The following CLASP1 variants were observed in gnomAD, a reference collection of about 807,000 sequenced individuals.
CLASP1 encodes the protein cytoplasmic linker associated protein 1.
Under a neutral mutation model 192.3 loss-of-function variants are expected in CLASP1, and 38 were observed. The ratio of observed to expected loss-of-function variants is 0.20; its 90% CI spans 0.15 to 0.26. The LOEUF (loss-of-function observed/expected upper bound fraction) is 0.26, where lower values mean the gene tolerates loss of function less well. CLASP1 is among the 10% of genes least tolerant of loss of function. The pLI is 1.00. For synonymous variants in CLASP1, 691 were observed against 712.8 expected, an observed-to-expected ratio of 0.97 and a Z score of 0.49; for missense variants, 1,433 against 1,932.5, an observed-to-expected ratio of 0.74 and a Z score of 4.85.
intron 19 of CLASP1, among the ~76,000 whole-genome samples, chr2:121,439,774 G>T (rs2082955938): frequency 6.6e-6 from 1 of 151,234 alleles, no homozygotes; most frequent in Non-Finnish European, 1.5e-5. Flanking sequence ...ATGAGTTCAT[G>T]TCCTTTGTAG....
chr2:121,451,249 T>A (rs2085412497), intron 15 of CLASP1, among the ~76,000 whole-genome samples: 1 of 152,116 alleles, frequency 6.6e-6, no homozygotes. Context: ...TCTTGTGGGA[T>A]TTTTTTTAAA....
At chr2:121,444,790 C>T (rs1319255265) in intron 19 of CLASP1, 3 of 429,750 alleles carry the variant, frequency 7.0e-6, no homozygotes, top group African/African-American at 4.2e-5. Flanking sequence ...AACCCAATGG[C>T]GACAGAATGA....
intron 37 of CLASP1, among the ~76,000 whole-genome samples, chr2:121,351,641 C>T (rs751525317): frequency 2.6e-5 from 4 of 152,220 alleles, no homozygotes; most frequent in Non-Finnish European, 5.9e-5. Context: ...AAGATCACCA[C>T]ATCCATCACC....
chr2:121,343,751 G>C (rs2063083384), intron 39 of CLASP1, among the ~76,000 whole-genome samples: 1 of 152,150 alleles, frequency 6.6e-6, no homozygotes, highest in Non-Finnish European at 1.5e-5. Flanking sequence ...GGTAGTGATG[G>C]TTATACAACA....
chr2:121,444,841 G>C, intron 19 of CLASP1: 1 of 699,234 alleles, frequency 1.4e-6, no homozygotes, highest in Non-Finnish European at 2.3e-6. Context: ...CTCATGCAGG[G>C]ACCTTGGTGA....
rs1158008014 is a variant in CLASP1 at position 121,618,658 on chromosome 2, A to G, written c.-285-12478T>C. Among the ~76,000 whole-genome samples, 6 of 148,710 alleles carry G rather than the reference A, an allele frequency of 4.0e-5. No homozygotes were observed. In the East Asian group the frequency reaches 1.2e-3, roughly 29 times the overall value. On this transcript the variant is annotated intron_variant, in intron 1 of 39. Coordinates refer to ENST00000263710, the Ensembl canonical transcript of CLASP1. ...GCTTACCTTTATGCATTATGAATGT[A>G]TTATGAATTTTTTAATGCAAAAATA...
chr2:121,560,982 C>G (rs550975896), intron 2 of CLASP1, among the ~76,000 whole-genome samples: 13 of 152,238 alleles, frequency 8.5e-5, no homozygotes, highest in Non-Finnish European at 1.9e-4. Context: ...TCCTGGCTCA[C>G]TGCAACCTCT....
At chr2:121,554,670 A>C (rs1215942918) in intron 2 of CLASP1, among the ~76,000 whole-genome samples, 3 of 152,118 alleles carry the variant, frequency 2.0e-5, no homozygotes, top group Non-Finnish European at 4.4e-5. Context: ...CATTTATAGG[A>C]AATGTCCAGA....
At chr2:121,383,317 A>C (rs1027381809) in intron 32 of CLASP1, among the ~76,000 whole-genome samples, 1 of 152,218 alleles carries the variant, frequency 6.6e-6, no homozygotes, top group Non-Finnish European at 1.5e-5. Context: ...TCTGCTTTAC[A>C]AGGAAAATAA....
chr2:121,500,400 A>AAAGAAAGAAAGAAAG (rs1559450292), intron 8 of CLASP1, among the ~76,000 whole-genome samples: 1 of 135,596 alleles, frequency 7.4e-6, no homozygotes, highest in African/African-American at 2.7e-5. Context: ...AAGAAAGAAA[A>AAAGAAAGAAAGAAAG]GAAAGAAAGA....
rs999111245 is a variant in CLASP1 at position 121,387,181 on chromosome 2, G to A, written c.3315C>T (p.Ser1105=). 3.1e-6 allele frequency: 5 copies of A among 1,612,300 alleles called. No homozygotes were observed. The African/African-American group carries it at 6.7e-5, about 22-fold the overall frequency. ...GTGAGGTCAGGGGGCTGGTCCTGCT[G>A]CTGGTGTGTCGGGAGGGCGTCCGGC... Residue 1105 remains serine (S), a synonymous_variant, in exon 32 of 40, where the codon AGC becomes AGT. Coordinates refer to ENST00000263710, the Ensembl canonical transcript of CLASP1.
At chr2:121,495,400 C>T (rs945037573) in intron 8 of CLASP1, among the ~76,000 whole-genome samples, 1 of 151,424 alleles carries the variant, frequency 6.6e-6, no homozygotes, top group African/African-American at 2.4e-5. Context: ...GTGGCTCACG[C>T]CTGTAATACC....
chr2:121,638,670 A>ATT (rs200383506), intron 1 of CLASP1, among the ~76,000 whole-genome samples: 6,562 of 129,556 alleles, frequency 0.051, 170 homozygotes, highest in East Asian at 0.15. Flanking sequence ...GTTCTTTTTT[A>ATT]TTTTTTTTTT....
At chr2:121,617,147 GGTCCT>G (rs2066608335) in intron 1 of CLASP1, among the ~76,000 whole-genome samples, 1 of 152,090 alleles carries the variant, frequency 6.6e-6, no homozygotes, top group Non-Finnish European at 1.5e-5. Context: ...GTCAGTCACA[GGTCCT>G]TCCCTGTCTT....
chr2:121,590,831 T>A (rs1159482508), intron 2 of CLASP1, among the ~76,000 whole-genome samples: 1 of 151,946 alleles, frequency 6.6e-6, no homozygotes, highest in Non-Finnish European at 1.5e-5. Context: ...AATATCTCCA[T>A]GGCTATTTTT....
intron 35 of CLASP1, among the ~76,000 whole-genome samples, chr2:121,366,739 A>G (rs897363571): frequency 1.3e-5 from 2 of 152,268 alleles, no homozygotes; most frequent in African/African-American, 2.4e-5. Flanking sequence ...CTTGAGAAAT[A>G]AAACAGGCTT....
Position 121,571,298 on chromosome 2 carries a change from C to A in CLASP1, c.195+34403G>T, listed in dbSNP as rs188103333. On this transcript the variant is annotated intron_variant, in intron 2 of 39. Transcript: ENST00000263710. ...TCAAGCAATCCTCCCACCTCGGCCT[C>A]CCAAGTAGCTGGGATTGTAGGTGTG... Among the ~76,000 whole-genome samples the A allele has an allele frequency of 7.5e-4, 114 of 152,186 alleles. 2 individuals carry two copies. Among genetic ancestry groups the A allele is most frequent in the African/African-American group, 2.6e-3 (110 of 41,528 alleles).
intron 1 of CLASP1, among the ~76,000 whole-genome samples, chr2:121,628,166 C>T (rs2068737368): frequency 6.6e-6 from 1 of 151,880 alleles, no homozygotes; most frequent in South Asian, 2.1e-4. Context: ...AAAAAAATTC[C>T]AAAAGAAAAG....
chr2:121,519,324 T>C (rs1048693910), intron 6 of CLASP1, among the ~76,000 whole-genome samples: 3 of 152,000 alleles, frequency 2.0e-5, no homozygotes, highest in Non-Finnish European at 4.4e-5. Flanking sequence ...GGCAGTGACA[T>C]GAGGAGTGAG....
Sources: gnomAD v4.1 joint callset for allele counts (sites outside exome capture counted in the v4.1 genomes callset) on GRCh38, gnomAD v4.1.1 for gene constraint, MANE v1.5 for transcripts, NCBI Gene and HGNC (gene_info 2026-07-23, HGNC 2026-07-21) for gene names.